The following KIF2A variants were observed in gnomAD, a reference collection of about 807,000 sequenced individuals.
KIF2A encodes the protein kinesin-like protein KIF2A.
In KIF2A, 22 loss-of-function variants were observed where a neutral mutation model predicts 100.2. The observed-to-expected ratio is 0.22, with a 90% CI of 0.16 to 0.31. The LOEUF is 0.31. KIF2A is among the 10% of genes least tolerant of loss of function. The pLI is 1.00. For synonymous variants in KIF2A, 268 were observed against 285.9 expected (o/e 0.94, Z 0.63); for missense variants, 495 against 898.7 (o/e 0.55, Z 5.74).
At chr5:62,324,867 T>A (rs1364676327) in intron 1 of KIF2A, among the ~76,000 whole-genome samples, 1 of 152,074 alleles carries the variant, frequency 6.6e-6, no homozygotes, top group Non-Finnish European at 1.5e-5. Context: ...AAATAGGAGC[T>A]AATTAAAGAG....
chr5:62,350,460 G>C (rs756392928), intron 4 of KIF2A, among the ~76,000 whole-genome samples: 1 of 151,608 alleles, frequency 6.6e-6, no homozygotes, highest in Non-Finnish European at 1.5e-5. Flanking sequence ...TGATTTTTTA[G>C]TAGAGAGTCT....
intron 1 of KIF2A, among the ~76,000 whole-genome samples, chr5:62,321,700 C>G (rs778473326): frequency 1.3e-5 from 2 of 151,862 alleles, no homozygotes; most frequent in Admixed American, 1.3e-4. Context: ...GTAGCTGGGA[C>G]TACAGATGCA....
At chr5:62,325,677 A>G (rs947944724) in intron 1 of KIF2A, among the ~76,000 whole-genome samples, 4 of 152,152 alleles carry the variant, frequency 2.6e-5, no homozygotes, top group African/African-American at 9.7e-5. Context: ...AAAAGGGAAC[A>G]CTCACACACT....
intron 1 of KIF2A, among the ~76,000 whole-genome samples, chr5:62,317,197 C>T (rs375916087): frequency 3.9e-5 from 6 of 151,960 alleles, no homozygotes; most frequent in African/African-American, 1.2e-4. Flanking sequence ...TACAGGCATG[C>T]GCCACCGTGC....
chr5:62,338,711 A>G (rs1747111305), intron 1 of KIF2A, among the ~76,000 whole-genome samples: 1 of 152,234 alleles, frequency 6.6e-6, no homozygotes, highest in Non-Finnish European at 1.5e-5. Flanking sequence ...ATTTGACTAC[A>G]TTAGAATTAA....
intron 20 of KIF2A, 121 bp downstream of exon 20, chr5:62,381,374 T>G: frequency 1.3e-6 from 1 of 754,970 alleles, no homozygotes; most frequent in Non-Finnish European, 2.2e-6. Flanking sequence ...CTGTTTAGCA[T>G]CTATTTTCCA....
chr5:62,319,535 T>C (rs1400433379), intron 1 of KIF2A, among the ~76,000 whole-genome samples: 3 of 152,202 alleles, frequency 2.0e-5, no homozygotes, highest in Non-Finnish European at 2.9e-5. Context: ...CTTTGTTTGC[T>C]CTGTCAAAAA....
Position 62,372,517 on chromosome 5 carries a change from T to G in KIF2A, c.1726T>G (p.Tyr576Asp). The part of the protein sequence containing the change: ...SGSRPDLSPS[Y>D]EYDDFSPSVT... Reference sequence around the variant, plus strand: ...CAGTCGCCCTGATCTCTCTCCTTCTTATGAATATGACGACTTTTCTCCTTC... The same window carrying G: ...CAGTCGCCCTGATCTCTCTCCTTCTGATGAATATGACGACTTTTCTCCTTC... Residue 576 changes from tyrosine (Y) to aspartate (D), a missense_variant, in exon 17 of 21, where the codon TAT becomes GAT. Around this residue, in one of 10 missense-constraint regions of KIF2A, gnomAD observed 100 missense variants for 138.2 expected, o/e 0.72. Transcript: ENST00000407818. 6.2e-7 allele frequency: 1 copy of G among 1,611,168 alleles called. No individual in the cohort carries two copies. The highest frequency in any genetic ancestry group is 1.1e-5 in the South Asian group (1 of 90,880).
intron 16 of KIF2A, among the ~76,000 whole-genome samples, chr5:62,368,547 C>A (rs10471279): frequency 1.3e-5 from 2 of 152,002 alleles, no homozygotes; most frequent in African/African-American, 2.4e-5. Context: ...GTGGCCCAGG[C>A]GGGTGGATTG....
intron 18 of KIF2A, among the ~76,000 whole-genome samples, chr5:62,376,466 C>T (rs1741551573): frequency 6.6e-6 from 1 of 152,108 alleles, no homozygotes; most frequent in South Asian, 2.1e-4. Flanking sequence ...GTCACCCAGG[C>T]TGGAGTGCAA....
chr5:62,313,029 A>G (rs1411485195), intron 1 of KIF2A, among the ~76,000 whole-genome samples: 2 of 151,962 alleles, frequency 1.3e-5, no homozygotes, highest in Non-Finnish European at 2.9e-5. Context: ...TTTATTGCAG[A>G]TTTCATTGAA....
chr5:62,369,448 C>T (rs1335234064), intron 16 of KIF2A, among the ~76,000 whole-genome samples: 1 of 152,206 alleles, frequency 6.6e-6, no homozygotes, highest in Non-Finnish European at 1.5e-5. Context: ...ATCACGAGAA[C>T]AGCCTGGAGG....
In KIF2A at chr5:62,306,387, CT is replaced by C; in HGVS notation, c.-85del. On this transcript the variant is annotated 5_prime_UTR_variant, in exon 1 of 21. Transcript: ENST00000407818. ...GCGCGGCCGCGGGCAACCGCTCCCC[CT>C]CCCACACCTACCCCGCCCCCTCCCC... 3 of 979,370 alleles carry C rather than the reference CT, an allele frequency of 3.1e-6. No homozygotes were observed. The highest frequency in any genetic ancestry group is 1.5e-5 in the South Asian group (1 of 68,300). The allele number at this position is 979,370 out of a possible 1,614,324, so 60.7% of individuals were successfully genotyped here. A position where few individuals can be genotyped will look rare whatever the true frequency, so the allele number is the denominator to read the frequency against.
chr5:62,313,168 T>C (rs1745637283), intron 1 of KIF2A, among the ~76,000 whole-genome samples: 1 of 152,242 alleles, frequency 6.6e-6, no homozygotes, highest in Admixed American at 6.5e-5. Flanking sequence ...TATAGTGTGA[T>C]TAGTACTGAT....
intron 1 of KIF2A, among the ~76,000 whole-genome samples, chr5:62,311,564 C>T (rs1391933332): frequency 2.6e-5 from 4 of 152,242 alleles, no homozygotes; most frequent in African/African-American, 9.6e-5. Flanking sequence ...TTTTAAATGG[C>T]CTAATTCTTT....
At chr5:62,336,084 T>G (rs971088213) in intron 1 of KIF2A, among the ~76,000 whole-genome samples, 24 of 152,070 alleles carry the variant, frequency 1.6e-4, no homozygotes, top group Admixed American at 1.6e-3. Flanking sequence ...CCCAAACACA[T>G]AAGAGGAAAC....
At chr5:62,324,535 G>T (rs1746266419) in intron 1 of KIF2A, among the ~76,000 whole-genome samples, 1 of 152,162 alleles carries the variant, frequency 6.6e-6, no homozygotes, top group Non-Finnish European at 1.5e-5. Flanking sequence ...GAACAAGATT[G>T]AGAACCCAGA....
chr5:62,308,364 G>T lies in KIF2A; in HGVS notation c.64+1828G>T. 3 of 1,478,874 alleles carry T rather than the reference G, an allele frequency of 2.0e-6. No individual in the cohort carries two copies. In the South Asian group the frequency reaches 3.9e-5, roughly 19 times the overall value. 91.6% of individuals were successfully genotyped at this position (1,478,874 alleles called of 1,614,324 possible). A position where few individuals can be genotyped will look rare whatever the true frequency, so the allele number is the denominator to read the frequency against. On this transcript the variant is annotated intron_variant, in intron 1 of 20. Coordinates refer to ENST00000407818, the MANE Select transcript of KIF2A (RefSeq NM_001098511.3). ...AGTAGGATTTACATATTATTTTGAAGATTCTGGGTGCACAGCAACACCTGT... is the reference window on the plus strand; with the variant it reads ...AGTAGGATTTACATATTATTTTGAATATTCTGGGTGCACAGCAACACCTGT...
At chr5:62,375,151 A>T (rs1193135151) in intron 18 of KIF2A, among the ~76,000 whole-genome samples, 1 of 152,254 alleles carries the variant, frequency 6.6e-6, no homozygotes, top group Non-Finnish European at 1.5e-5. Context: ...ATAGAAAGAG[A>T]TAAAGAAATA....
Sources: gnomAD v4.1 joint callset for allele counts (sites outside exome capture counted in the v4.1 genomes callset) on GRCh38, gnomAD v4.1.1 for gene constraint, gnomAD v4.1.1 regional missense constraint, MANE v1.5 for transcripts, NCBI Gene and HGNC (gene_info 2026-07-23, HGNC 2026-07-21) for gene names.